The following VMP1 variants were observed in gnomAD, a reference collection of about 807,000 sequenced individuals.
VMP1 encodes the protein ectopic P-granules autophagy protein 3 homolog.
In VMP1, 11 loss-of-function variants were observed where a neutral mutation model predicts 56.0. The ratio of observed to expected loss-of-function variants is 0.20; its 90% CI spans 0.12 to 0.32. VMP1 has a LOEUF of 0.32. Among genes scored for constraint, VMP1 ranks in the 10% least tolerant of loss-of-function variants. VMP1 has a pLI of 1.00. For synonymous variants in VMP1, 149 were observed against 165.0 expected (o/e 0.90, Z 0.74); for missense variants, 296 against 490.3 (o/e 0.60, Z 3.74).
chr17:59,725,886 A>G (rs1225364958), intron 1 of VMP1, among the ~76,000 whole-genome samples: 1 of 152,218 alleles, frequency 6.6e-6, no homozygotes, highest in Non-Finnish European at 1.5e-5. Context: ...CTGTTGCAAT[A>G]GCTTAAAAAC....
chr17:59,725,496 T>G (rs2034566198), intron 1 of VMP1, among the ~76,000 whole-genome samples: 1 of 152,122 alleles, frequency 6.6e-6, no homozygotes, highest in Non-Finnish European at 1.5e-5. Flanking sequence ...GGGTCTTTTA[T>G]TTTGGCTGTT....
At chr17:59,766,622 C>T (rs747048071) in intron 6 of VMP1, among the ~76,000 whole-genome samples, 11 of 152,130 alleles carry the variant, frequency 7.2e-5, no homozygotes, top group African/African-American at 2.4e-4. Flanking sequence ...TTATAGTGAA[C>T]GTATCAGGCT....
chr17:59,758,206 A>C (rs796714916), intron 5 of VMP1, among the ~76,000 whole-genome samples: 8 of 152,172 alleles, frequency 5.3e-5, no homozygotes, highest in African/African-American at 1.9e-4. Context: ...ACATCCTTTT[A>C]AATGTGTTCA....
intron 7 of VMP1, among the ~76,000 whole-genome samples, chr17:59,807,619 G>C (rs528416618): frequency 6.6e-6 from 1 of 152,146 alleles, no homozygotes; most frequent in South Asian, 2.1e-4. Flanking sequence ...GATCACCTGA[G>C]GTCAGGAGTT....
At chr17:59,758,073 C>G (rs1009016211) in intron 5 of VMP1, among the ~76,000 whole-genome samples, 138 of 151,904 alleles carry the variant, frequency 9.1e-4, no homozygotes, top group African/African-American at 3.2e-3. Context: ...AACTCCTGGG[C>G]TCCAGTGAGT....
intron 1 of VMP1, among the ~76,000 whole-genome samples, chr17:59,727,814 AGATT>A (rs1346073651): frequency 6.6e-6 from 1 of 152,162 alleles, no homozygotes; most frequent in East Asian, 1.9e-4. Context: ...ATGCATACAT[AGATT>A]ATTTCATCTA....
intron 1 of VMP1, among the ~76,000 whole-genome samples, chr17:59,728,853 G>T (rs1212820677): frequency 6.6e-6 from 1 of 151,796 alleles, no homozygotes; most frequent in South Asian, 2.1e-4. Context: ...CCATTTAAAC[G>T]GTATATTCAC....
chr17:59,820,613 A>T (rs890389944), intron 10 of VMP1, among the ~76,000 whole-genome samples: 3 of 152,222 alleles, frequency 2.0e-5, no homozygotes, highest in African/African-American at 7.2e-5. Flanking sequence ...AACGTATACT[A>T]CATGCACTTA....
intron 10 of VMP1, among the ~76,000 whole-genome samples, chr17:59,826,710 A>G (rs2144302395): frequency 6.6e-6 from 1 of 152,376 alleles, no homozygotes; most frequent in Middle Eastern, 3.4e-3. Context: ...CATATAAATG[A>G]TAAGAGATGA....
Position 59,775,278 on chromosome 17 carries a change from A to T in VMP1, c.714+1393A>T, listed in dbSNP as rs117597883. 6.8e-3 allele frequency among the ~76,000 whole-genome samples: 1,028 copies of T among 151,936 alleles called. 3 individuals carry two copies. Among genetic ancestry groups the T allele is most frequent in the Non-Finnish European group, 0.011 (775 of 67,956 alleles). ...TTTTTTAAAAAGCTTAGCTGGGCCT[A>T]GTGGCGTATGCTTGTAGTCCTAGCT... On this transcript the variant is annotated intron_variant, in intron 7 of 11. Transcript: ENST00000262291.
At chr17:59,801,087 A>AAAAT (rs2037628272) in intron 7 of VMP1, among the ~76,000 whole-genome samples, 1 of 115,298 alleles carries the variant, frequency 8.7e-6, no homozygotes, top group South Asian at 2.6e-4. Context: ...CTCGAAAAAA[A>AAAAT]AAAAATATAT....
intron 7 of VMP1, among the ~76,000 whole-genome samples, chr17:59,789,024 C>G (rs1162302902): frequency 1.3e-5 from 2 of 150,156 alleles, no homozygotes; most frequent in African/African-American, 4.9e-5. Context: ...GGCGCCATGG[C>G]TCATGCCTGT....
intron 5 of VMP1, among the ~76,000 whole-genome samples, chr17:59,752,958 T>C (rs2035707301): frequency 6.6e-6 from 1 of 152,182 alleles, no homozygotes; most frequent in Non-Finnish European, 1.5e-5. Context: ...GCCTCAATTA[T>C]GCACAATAAA....
intron 1 of VMP1, among the ~76,000 whole-genome samples, chr17:59,717,930 G>GA (rs573771697): frequency 2.8e-4 from 40 of 141,804 alleles, no homozygotes; most frequent in African/African-American, 4.9e-4. Flanking sequence ...GTTTTAAAAA[G>GA]AAAAAAAAAA....
chr17:59,769,194 T>C (rs1028473481), intron 6 of VMP1, among the ~76,000 whole-genome samples: 1 of 150,650 alleles, frequency 6.6e-6, no homozygotes, highest in Non-Finnish European at 1.5e-5. Flanking sequence ...TCGCTCTTGT[T>C]GCCCAGGGTG....
chr17:59,737,044 T>A (rs888236103), intron 3 of VMP1, among the ~76,000 whole-genome samples: 9 of 151,780 alleles, frequency 5.9e-5, no homozygotes, highest in Non-Finnish European at 1.0e-4. Context: ...CAAAAAAAAA[T>A]AAAAATAAGT....
intron 7 of VMP1, among the ~76,000 whole-genome samples, chr17:59,806,384 A>G (rs2037842388): frequency 6.6e-6 from 1 of 152,180 alleles, no homozygotes; most frequent in South Asian, 2.1e-4. Flanking sequence ...AGAAATCTAA[A>G]TAAAAATAGA....
intron 9 of VMP1, 47 bp from the exon 10 acceptor site, chr17:59,817,665 T>C (rs1245958254): frequency 6.9e-7 from 1 of 1,442,326 alleles, no homozygotes; most frequent in Non-Finnish European, 9.6e-7. Flanking sequence ...TTTATGTTGG[T>C]TTTTTGATGA....
chr17:59,803,625 A>G lies in VMP1; in HGVS notation c.715-5171A>G, dbSNP rs537180035. 1.4e-4 allele frequency among the ~76,000 whole-genome samples: 21 copies of G among 152,336 alleles called. 2 individuals are homozygous for G. The South Asian group carries it at 4.1e-3, about 30-fold the overall frequency. On this transcript the variant is annotated intron_variant, in intron 7 of 11. Coordinates refer to ENST00000262291, the MANE Select transcript of VMP1 (RefSeq NM_030938.5). ...TAAAAGTTGTGAAATGTAAATACAG[A>G]GAAATGGAACTAATAAAAGGTGTTT...
Sources: gnomAD v4.1 joint callset for allele counts (sites outside exome capture counted in the v4.1 genomes callset) on GRCh38, gnomAD v4.1.1 for gene constraint, MANE v1.5 for transcripts, NCBI Gene and HGNC (gene_info 2026-07-23, HGNC 2026-07-21) for gene names.